PDE4D: variants seen among roughly 807,000 people sequenced by gnomAD.
PDE4D encodes the protein phosphodiesterase 4D.
Under a neutral mutation model 87.4 loss-of-function variants are expected in PDE4D, and 24 were observed. The ratio of observed to expected loss-of-function variants is 0.27; its 90% CI spans 0.20 to 0.39. The LOEUF (loss-of-function observed/expected upper bound fraction) is 0.39. PDE4D is among the 10% of genes least tolerant of loss of function. The pLI, the probability that PDE4D is intolerant of heterozygous loss-of-function variation, is 1.00. For synonymous variants in PDE4D, 384 were observed against 383.2 expected (o/e 1.00, Z -0.02); for missense variants, 714 against 1,041.0 (o/e 0.69, Z 4.32).
intron 5 of PDE4D, among the ~76,000 whole-genome samples, chr5:59,069,835 G>A (rs1764473544): frequency 6.6e-6 from 1 of 152,190 alleles, no homozygotes; most frequent in South Asian, 2.1e-4. Flanking sequence ...AAAGGAGCCT[G>A]TCTTCATTAT....
chr5:59,298,879 T>C (rs1436114624), intron 1 of PDE4D, among the ~76,000 whole-genome samples: 1 of 152,236 alleles, frequency 6.6e-6, no homozygotes, highest in African/African-American at 2.4e-5. Context: ...TGTGATAATT[T>C]GCTTTATACT....
At position 60,294,532 on chromosome 5, in the gene PDE4D, T is replaced by C. The variant is rs192125912; in HGVS notation, c.-89-108845A>G. Among the ~76,000 whole-genome samples, 196 of 152,296 alleles carry C rather than the reference T, an allele frequency of 1.3e-3. 1 individual carries two copies. Among genetic ancestry groups the C allele is most frequent in the Admixed American group, 3.9e-3 (59 of 15,302 alleles). On this transcript the variant is annotated intron_variant, in intron 1 of 16. Coordinates refer to the PDE4D transcript ENST00000502484. ...CCAATCCATCTTGAATTGATTTTTG[T>C]CTGAGGTGTGAATTTAGGGAGTGAA... is the stretch of plus-strand genomic sequence containing the variant.
intron 2 of PDE4D, among the ~76,000 whole-genome samples, chr5:60,127,236 G>C (rs1472118245): frequency 6.6e-6 from 1 of 152,156 alleles, no homozygotes; most frequent in Non-Finnish European, 1.5e-5. Context: ...GGAGGCTGGA[G>C]ACAAGGTGTG....
At chr5:59,504,497 C>T (rs951869974) in intron 1 of PDE4D, among the ~76,000 whole-genome samples, 9 of 152,116 alleles carry the variant, frequency 5.9e-5, no homozygotes, top group Non-Finnish European at 1.0e-4. Flanking sequence ...GTTCTCATTC[C>T]TAGGAAACAT....
intron 3 of PDE4D, among the ~76,000 whole-genome samples, chr5:59,900,487 A>G (rs1029579503): frequency 9.2e-5 from 14 of 152,152 alleles, no homozygotes; most frequent in African/African-American, 3.4e-4. Context: ...AAGCAACAAG[A>G]TATTCATAAG....
intron 5 of PDE4D, among the ~76,000 whole-genome samples, chr5:59,146,371 G>A (rs1335285417): frequency 2.0e-5 from 3 of 151,924 alleles, no homozygotes; most frequent in Non-Finnish European, 4.4e-5. Flanking sequence ...GTTAATAATC[G>A]ATCCTTTCTA....
chr5:59,905,513 G>A (rs567180152), intron 3 of PDE4D, among the ~76,000 whole-genome samples: 2 of 152,126 alleles, frequency 1.3e-5, no homozygotes, highest in Non-Finnish European at 2.9e-5. Context: ...TAAGAGAATG[G>A]GCATTACAGC....
At chr5:59,606,152 T>C (rs1431111172) in intron 1 of PDE4D, among the ~76,000 whole-genome samples, 1 of 152,062 alleles carries the variant, frequency 6.6e-6, no homozygotes, top group Non-Finnish European at 1.5e-5. Flanking sequence ...CACCCTTTCA[T>C]CTATGTGAAC....
chr5:60,266,653 T>C (rs772112705), intron 1 of PDE4D, among the ~76,000 whole-genome samples: 4 of 152,154 alleles, frequency 2.6e-5, no homozygotes, highest in Non-Finnish European at 5.9e-5. Flanking sequence ...GTGCATACTG[T>C]AGGCATTAGT....
chr5:59,675,721 A>T (rs530311307), intron 1 of PDE4D, among the ~76,000 whole-genome samples: 9 of 151,226 alleles, frequency 6.0e-5, no homozygotes, highest in Non-Finnish European at 1.2e-4. Flanking sequence ...AGGGTCTCTC[A>T]CTCTGTCACC....
At position 59,185,234 on chromosome 5, in the gene PDE4D, T is replaced by G; in HGVS notation, c.713A>C (p.Asn238Thr). ...CAAATTAGTTAATGCAGCAAAGTTG[T>G]TTCGTACAGTTCGCAGACTGGCCAA... ...QVLASLRTVR[N>T]NFAALTNLQD... Residue 238 changes from asparagine (N) to threonine (T), a missense_variant, in exon 4 of 15, where the codon AAC (asparagine) becomes ACC (threonine). Coordinates refer to ENST00000340635, the MANE Select transcript of PDE4D (RefSeq NM_001104631.2). 1 of 1,613,002 alleles carries G rather than the reference T, an allele frequency of 6.2e-7. No homozygotes were observed. The highest frequency in any genetic ancestry group is 1.1e-5 in the South Asian group (1 of 90,988).
intron 1 of PDE4D, among the ~76,000 whole-genome samples, chr5:59,794,357 C>A (rs1279561292): frequency 6.6e-6 from 1 of 152,180 alleles, no homozygotes; most frequent in African/African-American, 2.4e-5. Flanking sequence ...ATGCGCTTCT[C>A]TAAGATGCTC....
intron 1 of PDE4D, among the ~76,000 whole-genome samples, chr5:59,267,947 AC>A (rs1307542911): frequency 6.6e-6 from 1 of 152,086 alleles, no homozygotes; most frequent in African/African-American, 2.4e-5. Flanking sequence ...AATGTCCTCT[AC>A]ACTGAGTTTC....
intron 1 of PDE4D, among the ~76,000 whole-genome samples, chr5:59,864,332 A>G (rs1746710013): frequency 6.6e-6 from 1 of 152,180 alleles, no homozygotes; most frequent in Admixed American, 6.5e-5. Flanking sequence ...TGCAATTGAA[A>G]TCGTAAATGT....
chr5:60,007,715 C>G (rs1468609076), intron 2 of PDE4D, among the ~76,000 whole-genome samples: 1 of 151,990 alleles, frequency 6.6e-6, no homozygotes, highest in African/African-American at 2.4e-5. Context: ...TCATGACCCT[C>G]TACTTATATT....
chr5:59,024,200 C>T (rs1054828511), intron 6 of PDE4D, among the ~76,000 whole-genome samples: 2 of 114,858 alleles, frequency 1.7e-5, no homozygotes, highest in Non-Finnish European at 3.4e-5. Flanking sequence ...CTGAATTCTA[C>T]TTTTTTTTTT....
chr5:60,242,028 AC>A (rs1392905413), intron 1 of PDE4D, among the ~76,000 whole-genome samples: 5 of 152,114 alleles, frequency 3.3e-5, no homozygotes, highest in African/African-American at 1.2e-4. Context: ...TAAAGAAAAA[AC>A]TTTTACCCTA....
intron 5 of PDE4D, among the ~76,000 whole-genome samples, chr5:59,082,472 G>T (rs1383266356): frequency 6.6e-6 from 1 of 151,774 alleles, no homozygotes; most frequent in African/African-American, 2.4e-5. Flanking sequence ...GTATAAAAAA[G>T]GTAGACCATT....
At chr5:59,856,565 A>C (rs1745473325) in intron 1 of PDE4D, among the ~76,000 whole-genome samples, 1 of 152,082 alleles carries the variant, frequency 6.6e-6, no homozygotes, top group African/African-American at 2.4e-5. Flanking sequence ...TAATTGCCTT[A>C]CTCTATTACC....
Sources: allele counts gnomAD v4.1 joint callset (sites outside exome capture counted in the v4.1 genomes callset), GRCh38; gene constraint gnomAD v4.1.1; transcripts MANE v1.5; gene names NCBI Gene and HGNC (gene_info 2026-07-23, HGNC 2026-07-21).